Variants in COL24A1 observed in about 807,000 individuals in gnomAD.
COL24A1 encodes the protein collagen alpha-1(XXIV) chain.
COL24A1 carries 224 observed loss-of-function variants against 253.9 expected under a neutral mutation model. The ratio of observed to expected loss-of-function variants is 0.88; its 90% confidence interval spans 0.79 to 0.99. The LOEUF is 0.99. Among genes scored for constraint, COL24A1 ranks in the 50% least tolerant of loss-of-function variants. COL24A1 has a pLI of 0.00. For synonymous variants in COL24A1, 685 were observed against 673.7 expected (o/e 1.02, Z -0.26); for missense variants, 2,131 against 2,068.5 (o/e 1.03, Z -0.59).
At chr1:85,957,190 G>C (rs866976260) in intron 24 of COL24A1, among the ~76,000 whole-genome samples, 1 of 152,114 alleles carries the variant, frequency 6.6e-6, no homozygotes, top group South Asian at 2.1e-4. Flanking sequence ...GGGCCTGTCA[G>C]GGGATGGGGT....
At chr1:86,011,979 G>A (rs753312401) in intron 19 of COL24A1, among the ~76,000 whole-genome samples, 1 of 152,058 alleles carries the variant, frequency 6.6e-6, no homozygotes, top group Admixed American at 6.6e-5. Flanking sequence ...CTGGCAATCT[G>A]TGTGTGTTTT....
intron 5 of COL24A1, among the ~76,000 whole-genome samples, chr1:86,109,329 T>TC (rs372755276): frequency 0.026 from 3,941 of 151,866 alleles, 56 homozygotes; most frequent in Middle Eastern, 0.048. Flanking sequence ...TGAGAAATTT[T>TC]GGAAATTTAG....
At chr1:85,906,264 C>CTTTTTTTCTTTTTTTTT (rs1684809401) in intron 28 of COL24A1, among the ~76,000 whole-genome samples, 1 of 77,848 alleles carries the variant, frequency 1.3e-5, no homozygotes, top group Non-Finnish European at 2.4e-5. Context: ...ACTGCAAGGT[C>CTTTTTTTCTTTTTTTTT]TTTTTTTTTT....
In COL24A1 at chr1:85,773,232, T is replaced by A. The variant is rs182602395; in HGVS notation, c.4374+2442A>T. Among the ~76,000 whole-genome samples, 76 of 152,320 alleles carry A rather than the reference T, an allele frequency of 5.0e-4. 1 individual carries two copies. The highest frequency in any genetic ancestry group is 1.8e-3 in the African/African-American group (76 of 41,580). ...CCGTTCTGTTCCATTGGTCTATATATCTGTTTTGGTAACAGTACCATGCTG... is the reference window on the plus strand; with the variant it reads ...CCGTTCTGTTCCATTGGTCTATATAACTGTTTTGGTAACAGTACCATGCTG... On this transcript the variant is annotated intron_variant, in intron 53 of 59. Transcript: ENST00000370571.
At chr1:85,939,571 T>C (rs1247933254) in intron 24 of COL24A1, among the ~76,000 whole-genome samples, 1 of 152,160 alleles carries the variant, frequency 6.6e-6, no homozygotes, top group African/African-American at 2.4e-5. Context: ...ATTCCTCCTT[T>C]TCCTTCATAC....
intron 53 of COL24A1, among the ~76,000 whole-genome samples, chr1:85,773,980 C>A (rs985546361): frequency 1.4e-4 from 21 of 152,044 alleles, no homozygotes; most frequent in Non-Finnish European, 2.8e-4. Flanking sequence ...CAGTTTTTGC[C>A]TATTCAGTAT....
chr1:86,024,990 A>G (rs952466973), intron 14 of COL24A1, among the ~76,000 whole-genome samples: 5 of 152,124 alleles, frequency 3.3e-5, no homozygotes, highest in Admixed American at 3.3e-4. Flanking sequence ...TGAAAAAATC[A>G]CATAACAGTA....
chr1:85,974,849 CT>C (rs1299281265), intron 20 of COL24A1, among the ~76,000 whole-genome samples: 3 of 152,252 alleles, frequency 2.0e-5, no homozygotes, highest in Middle Eastern at 3.4e-3. Flanking sequence ...ATTTCTTAAT[CT>C]ATAGAATCAT....
chr1:85,881,571 G>A (rs1261899542), intron 32 of COL24A1, among the ~76,000 whole-genome samples: 2 of 152,114 alleles, frequency 1.3e-5, no homozygotes, highest in East Asian at 1.9e-4. Context: ...GTTGCAGTGA[G>A]CTGAGATCAC....
intron 22 of COL24A1, among the ~76,000 whole-genome samples, chr1:85,967,922 T>C (rs1691731771): frequency 6.6e-6 from 1 of 152,166 alleles, no homozygotes; most frequent in South Asian, 2.1e-4. Context: ...CCAAAAGAGA[T>C]TAACATTTGA....
Position 86,038,580 on chromosome 1 carries a change from G to A in COL24A1, c.1951-4657C>T, listed in dbSNP as rs140396375. On this transcript the variant is annotated intron_variant, in intron 12 of 59. Transcript: ENST00000370571. ...TGATTCCCGGTATTCATGCTGTTATGTAGTCCAGACGCACCCTGAATTATG... is the reference window on the plus strand; with the variant it reads ...TGATTCCCGGTATTCATGCTGTTATATAGTCCAGACGCACCCTGAATTATG... Among the ~76,000 whole-genome samples, 4 of 152,218 alleles carry A rather than the reference G, an allele frequency of 2.6e-5. No individual in the cohort carries two copies. The East Asian group carries it at 7.7e-4, about 29-fold the overall frequency.
chr1:86,090,133 C>A (rs1703390023), intron 6 of COL24A1, among the ~76,000 whole-genome samples: 1 of 152,196 alleles, frequency 6.6e-6, no homozygotes, highest in Non-Finnish European at 1.5e-5. Context: ...CTCGAACAGA[C>A]TAGGCGTTAC....
At chr1:85,965,699 T>C (rs1691498657) in intron 22 of COL24A1, among the ~76,000 whole-genome samples, 1 of 152,072 alleles carries the variant, frequency 6.6e-6, no homozygotes, top group Non-Finnish European at 1.5e-5. Context: ...GTTGGCAGTT[T>C]GGTGGCATTT....
At chr1:86,148,907 T>A (rs2102436375) in intron 1 of COL24A1, among the ~76,000 whole-genome samples, 1 of 152,166 alleles carries the variant, frequency 6.6e-6, no homozygotes, top group East Asian at 1.9e-4. Flanking sequence ...TAGTTCTAGA[T>A]CCCTGAGGAA....
chr1:85,856,286 T>C (rs952084581), intron 37 of COL24A1, among the ~76,000 whole-genome samples: 3 of 152,194 alleles, frequency 2.0e-5, no homozygotes, highest in African/African-American at 7.2e-5. Flanking sequence ...TGTTATGCTG[T>C]TAATTAGATA....
intron 24 of COL24A1, among the ~76,000 whole-genome samples, chr1:85,920,856 T>C (rs76142804): frequency 0.042 from 6,387 of 151,712 alleles, 222 homozygotes; most frequent in African/African-American, 0.089. Flanking sequence ...ATAAGAATGA[T>C]GTAGTACATA....
intron 28 of COL24A1, among the ~76,000 whole-genome samples, chr1:85,903,858 C>T (rs1162852665): frequency 3.9e-5 from 6 of 152,048 alleles, no homozygotes; most frequent in Admixed American, 2.0e-4. Context: ...ACAAAACGTT[C>T]TATTAAACAA....
chr1:85,910,744 T>G (rs1685287590), intron 25 of COL24A1, among the ~76,000 whole-genome samples: 1 of 151,926 alleles, frequency 6.6e-6, no homozygotes, highest in African/African-American at 2.4e-5. Flanking sequence ...TAAACTTAGA[T>G]TCTACCCTCA....
intron 7 of COL24A1, among the ~76,000 whole-genome samples, chr1:86,082,069 ACT>A (rs999045515): frequency 1.3e-4 from 20 of 151,978 alleles, no homozygotes; most frequent in Middle Eastern, 6.8e-3. Flanking sequence ...AATCACCCCC[ACT>A]CTCTATCATA....
Sources: allele counts gnomAD v4.1 joint callset (sites outside exome capture counted in the v4.1 genomes callset), GRCh38; gene constraint gnomAD v4.1.1; transcripts MANE v1.5; gene names NCBI Gene and HGNC (gene_info 2026-07-23, HGNC 2026-07-21).